The following SNTB1 variants were observed in gnomAD, a reference collection of about 807,000 sequenced individuals.
The protein encoded by SNTB1 is syntrophin beta 1.
In SNTB1, 36 loss-of-function variants were observed where a neutral mutation model predicts 48.9. That is an observed-to-expected ratio of 0.74 (90% CI 0.56 to 0.97). SNTB1 has a LOEUF of 0.97. Among genes scored for constraint, SNTB1 ranks in the 50% least tolerant of loss-of-function variants. SNTB1 has a pLI of 0.00. For missense variants in SNTB1, 786 were observed against 703.4 expected, an observed-to-expected ratio of 1.12 and a Z score of -1.33; for synonymous variants, 299 against 294.6, an observed-to-expected ratio of 1.01 and a Z score of -0.15.
chr8:120,604,194 A>C (rs1230262610), intron 3 of SNTB1, among the ~76,000 whole-genome samples: 1 of 152,232 alleles, frequency 6.6e-6, no homozygotes, highest in Non-Finnish European at 1.5e-5. Flanking sequence ...GAGAGCCATC[A>C]GAAACAGAAT....
intron 1 of SNTB1, among the ~76,000 whole-genome samples, chr8:120,736,875 T>G (rs1221547662): frequency 6.6e-6 from 1 of 152,146 alleles, no homozygotes; most frequent in Admixed American, 6.5e-5. Context: ...GTATTCAACA[T>G]GTCTTACCTG....
At chr8:120,804,621 T>C (rs1820295490) in intron 1 of SNTB1, among the ~76,000 whole-genome samples, 1 of 152,140 alleles carries the variant, frequency 6.6e-6, no homozygotes, top group Non-Finnish European at 1.5e-5. Context: ...ACCAACCTCA[T>C]GTTACTCTAG....
At chr8:120,673,080 C>T (rs1019751771) in intron 2 of SNTB1, among the ~76,000 whole-genome samples, 6 of 152,152 alleles carry the variant, frequency 3.9e-5, no homozygotes, top group African/African-American at 1.4e-4. Flanking sequence ...ATGCTGGTAG[C>T]ATCTTCCCTC....
intron 1 of SNTB1, among the ~76,000 whole-genome samples, chr8:120,735,823 G>T (rs534587014): frequency 3.3e-4 from 50 of 152,328 alleles, no homozygotes; most frequent in African/African-American, 1.2e-3. Flanking sequence ...CTAGGAAGGA[G>T]GAAGAACAGG....
chr8:120,742,592 C>G (rs76379519), intron 1 of SNTB1, among the ~76,000 whole-genome samples: 10,712 of 152,286 alleles, frequency 0.07, 540 homozygotes, highest in East Asian at 0.18. Context: ...CTCCACCTTT[C>G]TCACATTGGT....
chr8:120,578,361 C>A (rs1815984853), intron 3 of SNTB1, among the ~76,000 whole-genome samples: 1 of 152,120 alleles, frequency 6.6e-6, no homozygotes, highest in Admixed American at 6.6e-5. Context: ...CTTTGAAGAC[C>A]AGTTTTTGTC....
chr8:120,748,443 C>G (rs4242322), intron 1 of SNTB1, among the ~76,000 whole-genome samples: 1 of 151,990 alleles, frequency 6.6e-6, no homozygotes, highest in African/African-American at 2.4e-5. Flanking sequence ...ATCTGGCTCA[C>G]GCAGGAATTG....
intron 1 of SNTB1, among the ~76,000 whole-genome samples, chr8:120,738,545 T>TCTCC (rs776577333): frequency 2.2e-5 from 3 of 135,728 alleles, no homozygotes; most frequent in Admixed American, 7.5e-5. Flanking sequence ...TCCTTCCTTC[T>TCTCC]TTCCTTCCTT....
intron 1 of SNTB1, among the ~76,000 whole-genome samples, chr8:120,795,034 C>T (rs186953885): frequency 4.3e-4 from 65 of 152,080 alleles, no homozygotes; most frequent in Admixed American, 2.6e-3. Context: ...CAAAGAAAAA[C>T]GCAGTTGAAT....
intron 3 of SNTB1, among the ~76,000 whole-genome samples, chr8:120,581,519 G>A (rs762335452): frequency 9.2e-5 from 14 of 152,058 alleles, no homozygotes; most frequent in South Asian, 6.2e-4. Flanking sequence ...CATGAGAATC[G>A]CTTGAACCTG....
chr8:120,563,015 A>G (rs7842050), intron 4 of SNTB1, among the ~76,000 whole-genome samples: 104,500 of 151,994 alleles, frequency 0.69, 37,429 homozygotes, highest in Non-Finnish European at 0.8. Flanking sequence ...ACATTCTTCA[A>G]TTCCCCTTTC....
At chr8:120,727,390 A>C (rs1477743050) in intron 1 of SNTB1, among the ~76,000 whole-genome samples, 1 of 152,096 alleles carries the variant, frequency 6.6e-6, no homozygotes, top group Non-Finnish European at 1.5e-5. Flanking sequence ...GCCAGATGAG[A>C]GTCTATTTAC....
intron 1 of SNTB1, among the ~76,000 whole-genome samples, chr8:120,703,623 C>A (rs967534280): frequency 2.0e-5 from 3 of 152,174 alleles, no homozygotes; most frequent in African/African-American, 7.2e-5. Context: ...AGAAAAAATG[C>A]TGAGGGCTTT....
intron 1 of SNTB1, among the ~76,000 whole-genome samples, chr8:120,739,325 T>G (rs1472256221): frequency 6.6e-6 from 1 of 152,132 alleles, no homozygotes; most frequent in Non-Finnish European, 1.5e-5. Flanking sequence ...TGAAAGAAAA[T>G]TATTTGAGCC....
intron 4 of SNTB1, chr8:120,571,088 GATGA>G (rs1239277930): frequency 1.3e-4 from 84 of 662,032 alleles, no homozygotes; most frequent in Middle Eastern, 6.4e-4. Context: ...AATGTTGACT[GATGA>G]ATGAATGAAT....
At chr8:120,693,245 A>G (rs1818157541) in intron 2 of SNTB1, among the ~76,000 whole-genome samples, 1 of 152,142 alleles carries the variant, frequency 6.6e-6, no homozygotes, top group East Asian at 1.9e-4. Flanking sequence ...CATCTCCAAC[A>G]TTGGGGATCA....
Position 120,578,943 on chromosome 8 carries a change from G to A in SNTB1, c.997-3718C>T, listed in dbSNP as rs754572831. Reference sequence around the variant, plus strand: ...TATAATCCCAGCACTTTGGGAGGCCGAGGTGGGCAGATCACCTGAGGTTGG... The same window carrying A: ...TATAATCCCAGCACTTTGGGAGGCCAAGGTGGGCAGATCACCTGAGGTTGG... On this transcript the variant is annotated intron_variant, in intron 3 of 6. Transcript: ENST00000517992. Among the ~76,000 whole-genome samples, 4 of 152,126 alleles carry A rather than the reference G, an allele frequency of 2.6e-5. No homozygotes were observed. In the South Asian group the frequency reaches 8.3e-4, roughly 32 times the overall value.
intron 4 of SNTB1, among the ~76,000 whole-genome samples, chr8:120,563,716 G>T (rs1815700649): frequency 6.6e-6 from 1 of 152,184 alleles, no homozygotes; most frequent in African/African-American, 2.4e-5. Flanking sequence ...ACTGGCTATA[G>T]TCCTGGCCAT....
At chr8:120,666,301 G>A (rs1817672838) in intron 2 of SNTB1, among the ~76,000 whole-genome samples, 1 of 152,182 alleles carries the variant, frequency 6.6e-6, no homozygotes. Context: ...GTATGTCTGA[G>A]TAAGTCTTCA....
Sources: allele counts gnomAD v4.1 joint callset (sites outside exome capture counted in the v4.1 genomes callset), GRCh38; gene constraint gnomAD v4.1.1; transcripts MANE v1.5; gene names NCBI Gene and HGNC (gene_info 2026-07-23, HGNC 2026-07-21).